USP34: variants seen among roughly 807,000 people sequenced by gnomAD.
USP34 encodes the protein ubiquitin specific peptidase 34.
In USP34, 70 loss-of-function variants were observed where a neutral mutation model predicts 460.3. That is an observed-to-expected ratio of 0.15 (90% CI 0.13 to 0.19). USP34 has a LOEUF of 0.19. Ranked by LOEUF, USP34 falls within the 10% of genes least tolerant of loss-of-function variation. The pLI, the probability that USP34 is intolerant of heterozygous loss-of-function variation, is 1.00. For missense variants in USP34, 3,985 were observed against 4,236.2 expected, an observed-to-expected ratio of 0.94 and a Z score of 1.65; for synonymous variants, 1,647 against 1,405.3, an observed-to-expected ratio of 1.17 and a Z score of -3.85.
Position 61,362,376 on chromosome 2 carries a change from T to C in USP34, c.1251+7945A>G, listed in dbSNP as rs150302179. ...CACTCTCACATTCACTGCAGTATTA[T>C]TCCCAAGAGCCAAGATATGGAAAAA... On this transcript the variant is annotated intron_variant, in intron 10 of 79. Transcript: ENST00000398571. Among the ~76,000 whole-genome samples the C allele has an allele frequency of 8.2e-3, 1,245 of 152,304 alleles. 22 individuals carry two copies. Among genetic ancestry groups the C allele is most frequent in the African/African-American group, 0.029 (1,191 of 41,586 alleles).
At chr2:61,302,630 T>G (rs2103645955) in intron 27 of USP34, among the ~76,000 whole-genome samples, 1 of 152,132 alleles carries the variant, frequency 6.6e-6, no homozygotes, top group Admixed American at 6.5e-5. Flanking sequence ...GAAAAAGGGG[T>G]TTTTCTTTCC....
intron 43 of USP34, among the ~76,000 whole-genome samples, chr2:61,264,969 T>A (rs1689004384): frequency 6.6e-6 from 1 of 152,238 alleles, no homozygotes; most frequent in African/African-American, 2.4e-5. Flanking sequence ...GGTCCACAAT[T>A]TGATTCACTT....
intron 62 of USP34, chr2:61,223,619 C>T (rs1687651520): frequency 9.2e-6 from 2 of 217,290 alleles, no homozygotes; most frequent in Non-Finnish European, 1.8e-5. Context: ...AAATGGACTT[C>T]TAGAAATTAG....
chr2:61,387,255 A>C (rs1693176040), intron 5 of USP34, among the ~76,000 whole-genome samples: 1 of 152,042 alleles, frequency 6.6e-6, no homozygotes, highest in Non-Finnish European at 1.5e-5. Flanking sequence ...TGAGGTCAGG[A>C]GTTCGAGACC....
Position 61,295,300 on chromosome 2 carries a change from G to A in USP34, c.4255-10C>T. 2.6e-6 allele frequency: 4 copies of A among 1,568,204 alleles called. No individual in the cohort carries two copies. Among genetic ancestry groups the A allele is most frequent in the Middle Eastern group, 1.7e-4 (1 of 5,826 alleles). On this transcript the variant is annotated splice_polypyrimidine_tract_variant and intron_variant, in intron 30 of 79. Transcript: ENST00000398571. ...TAAATCCATCATTACTCTTAAATTAGAAAAACATGTTTCTCAAGCCAACTT... is the reference window on the plus strand; with the variant it reads ...TAAATCCATCATTACTCTTAAATTAAAAAAACATGTTTCTCAAGCCAACTT...
chr2:61,220,179 AAAAG>A lies in USP34; in HGVS notation c.8047+127_8047+130del. On this transcript the variant is annotated intron_variant, in intron 67 of 79. Coordinates refer to ENST00000398571, the MANE Select transcript of USP34 (RefSeq NM_014709.4). ...AAAAAAAAAAAAAAAAAAAAAAAAA[AAAAG>A]GAAATAACATCTCCAAGAATTTCGT... is the stretch of plus-strand genomic sequence containing the variant. The A allele has an allele frequency of 3.2e-5, 16 of 500,946 alleles. No individual in the cohort carries two copies. In the South Asian group the frequency reaches 4.1e-4, roughly 13 times the overall value. The allele number at this position is 500,946 out of a possible 1,614,324, so 31.0% of individuals were successfully genotyped here. A position where few individuals can be genotyped will look rare whatever the true frequency, so the allele number is the denominator to read the frequency against.
At chr2:61,201,307 C>T (rs911000897) in intron 75 of USP34, among the ~76,000 whole-genome samples, 1 of 151,154 alleles carries the variant, frequency 6.6e-6, no homozygotes, top group Admixed American at 6.6e-5. Flanking sequence ...CCTCCGCCTC[C>T]CAGGTTCAAG....
intron 15 of USP34, among the ~76,000 whole-genome samples, chr2:61,346,652 C>T (rs142507716): frequency 7.0e-6 from 1 of 142,960 alleles, no homozygotes; most frequent in Admixed American, 7.4e-5. Flanking sequence ...TGGTGAAACC[C>T]CATCCTACTA....
intron 1 of USP34, among the ~76,000 whole-genome samples, chr2:61,453,665 C>T (rs1695348196): frequency 6.8e-6 from 1 of 147,106 alleles, no homozygotes; most frequent in Non-Finnish European, 1.5e-5. Flanking sequence ...AGCCAAGATT[C>T]CACCACACCA....
intron 44 of USP34, 61 bp downstream of exon 44, chr2:61,259,650 T>C: frequency 1.3e-6 from 2 of 1,540,918 alleles, no homozygotes; most frequent in Non-Finnish European, 1.8e-6. Flanking sequence ...CCTCCCAAAA[T>C]GCTATAATTA....
intron 1 of USP34, among the ~76,000 whole-genome samples, chr2:61,433,352 G>A (rs1021037825): frequency 5.9e-5 from 9 of 152,174 alleles, no homozygotes; most frequent in Non-Finnish European, 8.8e-5. Context: ...GTGGCGAATC[G>A]GCCAGGTGCG....
chr2:61,352,123 G>A (rs28529420), intron 10 of USP34, among the ~76,000 whole-genome samples: 2 of 152,022 alleles, frequency 1.3e-5, no homozygotes, highest in East Asian at 1.9e-4. Flanking sequence ...AATCTTAAAT[G>A]TTCCAATGAG....
rs1695365591 is a variant in USP34, at chr2:61,454,197, T to C, written c.43+16453A>G. 9.2e-5 allele frequency among the ~76,000 whole-genome samples: 14 copies of C among 152,222 alleles called. No individual in the cohort carries two copies. The South Asian group carries it at 2.9e-3, about 32-fold the overall frequency. ...TGTCACCCAGGGGTGTGATCTCAGC[T>C]ACCTGCAACCTCCACCTCCCAGGTT... On this transcript the variant is annotated intron_variant, in intron 1 of 79. Coordinates refer to ENST00000398571, the MANE Select transcript of USP34 (RefSeq NM_014709.4).
rs750047020 is a variant in USP34 at position 61,284,966 on chromosome 2, CA to C, written c.4750-10del. ...ACAAGAACAAGAAATACCTTTAAAACAAAAACATTTTAAAAGATATTTAAAT... is the reference window on the plus strand; with the variant it reads ...ACAAGAACAAGAAATACCTTTAAAACAAAACATTTTAAAAGATATTTAAAT... On this transcript the variant is annotated splice_polypyrimidine_tract_variant and intron_variant, in intron 34 of 79. Coordinates refer to ENST00000398571, the MANE Select transcript of USP34 (RefSeq NM_014709.4). The C allele has an allele frequency of 2.6e-5, 41 of 1,597,928 alleles. No individual in the cohort carries two copies. The highest frequency in any genetic ancestry group is 3.5e-5 in the Non-Finnish European group (41 of 1,171,522).
chr2:61,431,570 G>A (rs545794890), intron 1 of USP34, among the ~76,000 whole-genome samples: 19 of 152,266 alleles, frequency 1.2e-4, no homozygotes, highest in African/African-American at 4.6e-4. Flanking sequence ...AGCTAGCAGA[G>A]GCTGGCCGGG....
At chr2:61,243,407 A>G (rs1214253241) in intron 51 of USP34, among the ~76,000 whole-genome samples, 2 of 151,932 alleles carry the variant, frequency 1.3e-5, no homozygotes, top group Non-Finnish European at 2.9e-5. Context: ...TCGGCCTCCC[A>G]ACGTGCTGGG....
intron 41 of USP34, 115 bp from the exon 42 acceptor site, chr2:61,266,282 A>AT: frequency 8.4e-6 from 8 of 953,438 alleles, no homozygotes; most frequent in Non-Finnish European, 1.1e-5. Context: ...AACGTATAGC[A>AT]GCATGATATA....
chr2:61,342,014 C>A (rs891455293), intron 16 of USP34, among the ~76,000 whole-genome samples: 1 of 152,000 alleles, frequency 6.6e-6, no homozygotes, highest in Non-Finnish European at 1.5e-5. Context: ...CCACCTGTCT[C>A]GGCCTCCCAA....
In USP34 at chr2:61,306,091, T is replaced by C. The variant is rs139878641; in HGVS notation, c.3818-4637A>G. Among the ~76,000 whole-genome samples, 244 of 109,284 alleles carry C rather than the reference T, an allele frequency of 2.2e-3. 7 individuals are homozygous for C. In the East Asian group the frequency reaches 0.044, roughly 20 times the overall value. The allele number at this position is 109,284 out of a possible 152,430, so 71.7% of individuals were successfully genotyped here. A position where few individuals can be genotyped will look rare whatever the true frequency, so the allele number is the denominator to read the frequency against. On this transcript the variant is annotated intron_variant, in intron 27 of 79. Transcript: ENST00000398571. Reference sequence around the variant, plus strand: ...GCAGAAGCTCTTTAAATAGATCCCATTTGTCTATTTTGGCTTTGTTGCCAT... The same window carrying C: ...GCAGAAGCTCTTTAAATAGATCCCACTTGTCTATTTTGGCTTTGTTGCCAT...
Sources: allele counts gnomAD v4.1 joint callset (sites outside exome capture counted in the v4.1 genomes callset), GRCh38; gene constraint gnomAD v4.1.1; transcripts MANE v1.5; gene names NCBI Gene and HGNC (gene_info 2026-07-23, HGNC 2026-07-21).